UBASH3B: variants seen among roughly 807,000 people sequenced by gnomAD.
UBASH3B encodes the protein ubiquitin-associated and SH3 domain-containing protein B.
In UBASH3B, 37 loss-of-function variants were observed where a neutral mutation model predicts 83.4. The ratio of observed to expected loss-of-function variants is 0.44; its 90% CI spans 0.34 to 0.58. The LOEUF is 0.58. UBASH3B is among the 20% of genes least tolerant of loss of function. The pLI, the probability that UBASH3B is intolerant of heterozygous loss-of-function variation, is 0.01. For missense variants in UBASH3B, 657 were observed against 827.2 expected (o/e 0.79, Z 2.52); for synonymous variants, 304 against 318.3 (o/e 0.96, Z 0.48).
chr11:122,726,424 A>G (rs1336523636), intron 1 of UBASH3B: 3 of 141,652 alleles, frequency 2.1e-5, no homozygotes, highest in Non-Finnish European at 4.5e-5. Context: ...ATCTTGGCAT[A>G]CTGCAGCCTC....
Position 122,798,944 on chromosome 11 carries a change from G to A in UBASH3B, c.1360G>A (p.Glu454Lys), listed in dbSNP as rs1432970541. The change falls in exon 10 of 14, where the codon GAA becomes AAA. Residue 454 changes from glutamate to lysine, a missense_variant and splice_region_variant. By Grantham distance (56) the Glu-to-Lys change is moderately conservative. This residue lies in a region of UBASH3B where 573 missense variants were observed against 739.0 expected (regional missense o/e 0.78). Transcript: ENST00000284273. ...FGCMQARLVG[E>K]ALLESNTIID... is the part of the protein sequence containing the mutation. ...TTTTTTTGTGGTTTTCTTTGCAGGT[G>A]AAGCCTTATTAGAGAGCAATACCAT... is the stretch of plus-strand genomic sequence containing the variant. 2 of 1,613,710 alleles carry A rather than the reference G, an allele frequency of 1.2e-6. No individual in the cohort carries two copies. The highest frequency in any genetic ancestry group is 2.7e-5 in the African/African-American group (2 of 74,872).
intron 13 of UBASH3B, among the ~76,000 whole-genome samples, chr11:122,808,875 C>A (rs1401274109): frequency 6.6e-6 from 1 of 151,920 alleles, no homozygotes; most frequent in Non-Finnish European, 1.5e-5. Context: ...TTTGTAAATG[C>A]AGCTCTGGAC....
intron 1 of UBASH3B, among the ~76,000 whole-genome samples, chr11:122,757,177 T>C (rs1591800466): frequency 6.6e-6 from 1 of 152,350 alleles, no homozygotes; most frequent in South Asian, 2.1e-4. Context: ...ACTGTAGATA[T>C]TATGGACTCA....
intron 4 of UBASH3B, among the ~76,000 whole-genome samples, chr11:122,780,032 A>C (rs1204210598): frequency 6.6e-6 from 1 of 152,058 alleles, no homozygotes. Context: ...TTAAAGAAAC[A>C]TCCTTTCTCC....
At chr11:122,740,279 T>C (rs1861003447) in intron 1 of UBASH3B, among the ~76,000 whole-genome samples, 1 of 152,194 alleles carries the variant, frequency 6.6e-6, no homozygotes. Flanking sequence ...CACAAGAAAC[T>C]TTCAGCAAAT....
chr11:122,668,941 G>A (rs754867133), intron 1 of UBASH3B, among the ~76,000 whole-genome samples: 24 of 152,104 alleles, frequency 1.6e-4, no homozygotes, highest in Admixed American at 1.3e-4. Flanking sequence ...GGAGTCACTC[G>A]AGAAGCCATC....
chr11:122,735,644 A>G (rs1860919424), intron 1 of UBASH3B, among the ~76,000 whole-genome samples: 1 of 152,256 alleles, frequency 6.6e-6, no homozygotes. Flanking sequence ...GCAACAACTA[A>G]TTCCACCATA....
Position 122,796,176 on chromosome 11 carries a change from G to T in UBASH3B, c.1134G>T (p.Gln378His). Residue 378 changes from glutamine to histidine, a missense_variant, in exon 8 of 14, where the codon CAG becomes CAT. Gln to His is a conservative substitution (Grantham distance 24). This residue lies in a region of UBASH3B where 573 missense variants were observed against 739.0 expected (regional missense o/e 0.78). Coordinates refer to ENST00000284273, the MANE Select transcript of UBASH3B (RefSeq NM_032873.5). ...TGCAGCCGCTGAGGGTCAACAGCCA[G>T]CCCGGCCCCCAGAAGCGATGCCTTT... is the stretch of plus-strand genomic sequence containing the variant. ...QPMQPLRVNS[Q>H]PGPQKRCLFV... is the part of the protein sequence containing the mutation. 1 of 1,614,086 alleles carries T rather than the reference G, an allele frequency of 6.2e-7. No homozygotes were observed. The highest frequency in any genetic ancestry group is 8.5e-7 in the Non-Finnish European group (1 of 1,179,984).
At chr11:122,799,094 C>T in intron 10 of UBASH3B, 60 bp downstream of exon 10, 1 of 1,383,574 alleles carries the variant, frequency 7.2e-7, no homozygotes, top group Non-Finnish European at 1.0e-6. Flanking sequence ...GGCAGCCCCA[C>T]ACATAAATTA....
chr11:122,799,380 G>A (rs543026428), intron 10 of UBASH3B, among the ~76,000 whole-genome samples: 21 of 152,020 alleles, frequency 1.4e-4, no homozygotes, highest in African/African-American at 2.7e-4. Context: ...TCAGCTGCTC[G>A]GGAGGCTGAG....
At chr11:122,675,332 G>A (rs1313497795) in intron 1 of UBASH3B, among the ~76,000 whole-genome samples, 5 of 152,246 alleles carry the variant, frequency 3.3e-5, no homozygotes, top group Non-Finnish European at 7.3e-5. Context: ...TGTTTTAAGA[G>A]TTGTTTTGAG....
intron 1 of UBASH3B, among the ~76,000 whole-genome samples, chr11:122,697,850 T>C (rs941877443): frequency 6.6e-6 from 1 of 152,190 alleles, no homozygotes; most frequent in African/African-American, 2.4e-5. Flanking sequence ...GGGAGCTTCA[T>C]AGACCTGACA....
chr11:122,803,589 G>C lies in UBASH3B; in HGVS notation c.1595+2257G>C, dbSNP rs375756872. Among the ~76,000 whole-genome samples, 483 of 152,248 alleles carry C rather than the reference G, an allele frequency of 3.2e-3. 13 individuals are homozygous for C. The highest frequency in any genetic ancestry group is 0.024 in the South Asian group (114 of 4,820). ...CCAGCCTTGAGGAGCTGGGCCAGAG[G>C]AGCAAGGCAGAAAAAACAAAATCCA... is the stretch of plus-strand genomic sequence containing the variant. On this transcript the variant is annotated intron_variant, in intron 11 of 13. Transcript: ENST00000284273.
At chr11:122,761,103 G>A (rs774350855) in intron 1 of UBASH3B, among the ~76,000 whole-genome samples, 9 of 152,158 alleles carry the variant, frequency 5.9e-5, no homozygotes, top group Non-Finnish European at 1.2e-4. Context: ...AAATCTTCAC[G>A]AGAGTGTCAG....
chr11:122,686,443 C>T (rs778043876), intron 1 of UBASH3B, among the ~76,000 whole-genome samples: 17 of 150,304 alleles, frequency 1.1e-4, no homozygotes, highest in African/African-American at 3.2e-4. Context: ...TCCTCCTAAC[C>T]GGGATCCAAG....
chr11:122,702,528 GTT>G (rs888469312), intron 1 of UBASH3B, among the ~76,000 whole-genome samples: 1 of 143,914 alleles, frequency 6.9e-6, no homozygotes, highest in African/African-American at 2.5e-5. Flanking sequence ...AAATCACCAG[GTT>G]TTTTTTTTTT....
In UBASH3B at chr11:122,704,591, C is replaced by T. The variant is rs190412040; in HGVS notation, c.161+48381C>T. Among the ~76,000 whole-genome samples the T allele has an allele frequency of 2.0e-3, 302 of 151,886 alleles. 1 individual carries two copies. The highest frequency in any genetic ancestry group is 6.5e-3 in the African/African-American group (269 of 41,408). Reference sequence around the variant, plus strand: ...GTGGCGTGATCTCGGCTCACTGCAACCTTTGCCTCCCAGGTTCAAGCAATT... The same window carrying T: ...GTGGCGTGATCTCGGCTCACTGCAATCTTTGCCTCCCAGGTTCAAGCAATT... On this transcript the variant is annotated intron_variant, in intron 1 of 13. Coordinates refer to ENST00000284273, the MANE Select transcript of UBASH3B (RefSeq NM_032873.5).
chr11:122,742,069 G>T (rs1302843815), intron 1 of UBASH3B, among the ~76,000 whole-genome samples: 1 of 152,158 alleles, frequency 6.6e-6, no homozygotes, highest in Non-Finnish European at 1.5e-5. Flanking sequence ...CAGCGGCAAC[G>T]AAATCTGGAG....
In UBASH3B at chr11:122,656,079, C is replaced by G; in HGVS notation, c.30C>G (p.Leu10=). Residue 10 remains leucine, a synonymous_variant, in exon 1 of 14, where the codon CTC becomes CTG. Coordinates refer to ENST00000284273, the MANE Select transcript of UBASH3B (RefSeq NM_032873.5). The stretch of plus-strand genomic sequence containing the variant: ...CTCAGTACGGCCACCCCAGTCCGCT[C>G]GGCATGGCTGCGAGAGAGGAGCTGT... The part of the protein sequence containing the change: MAQYGHPSP[L]GMAAREELYS... 1.2e-6 allele frequency: 2 copies of G among 1,600,682 alleles called. No individual in the cohort carries two copies. Among genetic ancestry groups the G allele is most frequent in the Non-Finnish European group, 1.7e-6 (2 of 1,174,910 alleles).
Sources: gnomAD v4.1 joint callset for allele counts (sites outside exome capture counted in the v4.1 genomes callset) on GRCh38, gnomAD v4.1.1 for gene constraint, gnomAD v4.1.1 regional missense constraint, MANE v1.5 for transcripts, NCBI Gene and HGNC (gene_info 2026-07-23, HGNC 2026-07-21) for gene names.